The following CA13 variants were observed in gnomAD, a reference collection of about 807,000 sequenced individuals.
CA13 encodes the protein CA-XIII.
A neutral mutation model predicts 31.5 loss-of-function variants in CA13; 21 were observed. That is an observed-to-expected ratio of 0.67 (90% CI 0.47 to 0.96). The LOEUF (loss-of-function observed/expected upper bound fraction) is 0.96. Among genes scored for constraint, CA13 ranks in the 40% least tolerant of loss-of-function variants. The pLI is 0.00. For synonymous variants in CA13, 117 were observed against 111.4 expected (o/e 1.05, Z -0.32); for missense variants, 315 against 318.9 (o/e 0.99, Z 0.09).
rs767611285 is a variant in CA13, at chr8:85,281,345, A to G, written c.785A>G (p.His262Arg). Residue 262 changes from histidine (H) to arginine (R), a missense_variant, in exon 7 of 7, where the codon CAT (histidine) becomes CGT (arginine). His to Arg is a conservative substitution (Grantham distance 29, BLOSUM62 0). Transcript: ENST00000321764. ...LKGRKVRASF[H>R] Reference sequence around the variant, plus strand: ...GGCCGCAAAGTGAGAGCCTCTTTCCATTAAAAATTGTCACCAATGAACTCC... The same window carrying G: ...GGCCGCAAAGTGAGAGCCTCTTTCCGTTAAAAATTGTCACCAATGAACTCC... The G allele has an allele frequency of 4.2e-5, 67 of 1,613,676 alleles. No homozygotes were observed. Among genetic ancestry groups the G allele is most frequent in the South Asian group, 2.2e-4 (20 of 91,074 alleles).
At chr8:85,267,710 T>C (rs1445304588) in intron 4 of CA13, among the ~76,000 whole-genome samples, 192 bp from the exon 5 acceptor site, 1 of 152,226 alleles carries the variant, frequency 6.6e-6, no homozygotes, top group Admixed American at 6.5e-5. Context: ...TGTAATATTA[T>C]CTTGTTGTTC....
chr8:85,267,429 TATG>T, intron 4 of CA13: 1 of 388,900 alleles, frequency 2.6e-6, no homozygotes, highest in Non-Finnish European at 3.5e-6. Flanking sequence ...TGAGTTTGCT[TATG>T]ATGATATATT....
In CA13 at chr8:85,279,838, A is replaced by G. The variant is rs183425284; in HGVS notation, c.670-1392A>G. Among the ~76,000 whole-genome samples the G allele has an allele frequency of 2.7e-3, 405 of 152,250 alleles. 1 individual carries two copies. Among genetic ancestry groups the G allele is most frequent in the Non-Finnish European group, 4.6e-3 (312 of 68,014 alleles). ...TCTTTCCTATGGTCTCAGAGGTTAG[A>G]TTTTATTAGTCTCTGCTATTTGACT... On this transcript the variant is annotated intron_variant, in intron 6 of 6. Coordinates refer to ENST00000321764, the MANE Select transcript of CA13 (RefSeq NM_198584.3).
intron 2 of CA13, among the ~76,000 whole-genome samples, chr8:85,252,119 T>C (rs1807201485): frequency 6.6e-6 from 1 of 152,008 alleles, no homozygotes; most frequent in Non-Finnish European, 1.5e-5. Context: ...TAATCAGGCA[T>C]GGTGGGGTGT....
At chr8:85,255,208 C>G (rs1474000170) in intron 2 of CA13, among the ~76,000 whole-genome samples, 1 of 151,988 alleles carries the variant, frequency 6.6e-6, no homozygotes, top group East Asian at 1.9e-4. Flanking sequence ...CCCGGAACTC[C>G]TGGGCTCAAG....
rs1238849925 is a variant in CA13, at chr8:85,245,721, G to A, written c.-108G>A. 7 of 1,309,144 alleles carry A rather than the reference G, an allele frequency of 5.3e-6. No homozygotes were observed. Among genetic ancestry groups the A allele is most frequent in the Non-Finnish European group, 6.6e-6 (6 of 912,992 alleles). The allele number at this position is 1,309,144 out of a possible 1,614,324, so 81.1% of individuals were successfully genotyped here. ...TTCACGGTCTCGCACTCCTGCCGCC[G>A]GCGCCCCGCGGTCCCGCCCTAGCAG... is the stretch of plus-strand genomic sequence containing the variant. On this transcript the variant is annotated 5_prime_UTR_variant, in exon 1 of 7. Transcript: ENST00000321764.
intron 1 of CA13, among the ~76,000 whole-genome samples, chr8:85,247,296 C>G (rs1396491314): frequency 2.6e-5 from 4 of 151,952 alleles, no homozygotes; most frequent in Non-Finnish European, 4.4e-5. Flanking sequence ...ATCAATCAAT[C>G]AATGGATATT....
At chr8:85,277,861 TG>T in intron 6 of CA13, among the ~76,000 whole-genome samples, 1 of 152,182 alleles carries the variant, frequency 6.6e-6, no homozygotes, top group Admixed American at 6.5e-5. Flanking sequence ...AGAGGGTATG[TG>T]TCTCCCAGCC....
intron 2 of CA13, among the ~76,000 whole-genome samples, chr8:85,254,432 T>TTC (rs1325664348): frequency 3.3e-5 from 5 of 151,794 alleles, no homozygotes; most frequent in Admixed American, 6.6e-5. Context: ...GAACCCAGGT[T>TTC]TCTCTCTCTC....
chr8:85,248,321 G>T (rs1482440516), intron 1 of CA13, among the ~76,000 whole-genome samples: 1 of 152,110 alleles, frequency 6.6e-6, no homozygotes, highest in Non-Finnish European at 1.5e-5. Flanking sequence ...GCTGGGCGTG[G>T]TGGTGCGTGC....
rs938798220 is a variant in CA13 at position 85,259,422 on chromosome 8, T to G, written c.237T>G (p.Val79=). 6.2e-7 allele frequency: 1 copy of G among 1,613,160 alleles called. No individual in the cohort carries two copies. Among genetic ancestry groups the G allele is most frequent in the Non-Finnish European group, 8.5e-7 (1 of 1,179,242 alleles). ...AATATAAAACATGTTGTTGTTTAGT[T>G]CTGCGTGGTGGTCCTCTCACTGGAA... ...VDFDDTENKS[V]LRGGPLTGSY... is the part of the protein sequence containing the mutation. The change falls in exon 3 of 7, where the codon GTT becomes GTG. Residue 79 remains valine (V), a splice_region_variant and synonymous_variant. Coordinates refer to ENST00000321764, the MANE Select transcript of CA13 (RefSeq NM_198584.3).
At chr8:85,249,595 A>G (rs148933704) in intron 1 of CA13, among the ~76,000 whole-genome samples, 2,180 of 152,066 alleles carry the variant, frequency 0.014, 75 homozygotes, top group Non-Finnish European at 0.015. Flanking sequence ...TTATCATTTT[A>G]AAATGTTTTT....
At chr8:85,270,355 T>A (rs911562073) in intron 6 of CA13, among the ~76,000 whole-genome samples, 1 of 152,182 alleles carries the variant, frequency 6.6e-6, no homozygotes, top group Non-Finnish European at 1.5e-5. Context: ...CTGTTGGGTG[T>A]TTCTCCTTGT....
chr8:85,250,759 A>T lies in CA13; in HGVS notation c.57A>T (p.Glu19Asp), dbSNP rs1813811457. The T allele has an allele frequency of 1.2e-6, 2 of 1,612,594 alleles. No individual in the cohort carries two copies. The highest frequency in any genetic ancestry group is 1.7e-5 in the Admixed American group (1 of 59,980). Reference protein sequence around the residue: ...REHNGPIHWKEFFPIADGDQQ... With the variant: ...REHNGPIHWKDFFPIADGDQQ... ...TTTAAGGTCCTATTCACTGGAAGGAATTTTTCCCTATTGCTGATGGTGATC... is the reference window on the plus strand; with the variant it reads ...TTTAAGGTCCTATTCACTGGAAGGATTTTTTCCCTATTGCTGATGGTGATC... The change falls in exon 2 of 7, where the codon GAA becomes GAT. Residue 19 changes from glutamate to aspartate, a missense_variant. Glu to Asp is a conservative substitution (Grantham distance 45). Transcript: ENST00000321764.
intron 6 of CA13, among the ~76,000 whole-genome samples, chr8:85,279,140 A>T (rs948717250): frequency 6.6e-6 from 1 of 152,216 alleles, no homozygotes; most frequent in Non-Finnish European, 1.5e-5. Flanking sequence ...TTAAAATTTC[A>T]GTATTAGAGT....
chr8:85,251,001 C>CTT (rs34303043), intron 2 of CA13, 64 bp downstream of exon 2: 724 of 771,866 alleles, frequency 9.4e-4, no homozygotes, highest in East Asian at 2.1e-3. Flanking sequence ...AGACTATACT[C>CTT]TTTTTTTTTT....
intron 6 of CA13, among the ~76,000 whole-genome samples, chr8:85,276,993 A>T (rs1014682140): frequency 1.1e-4 from 16 of 152,170 alleles, no homozygotes; most frequent in Non-Finnish European, 1.9e-4. Flanking sequence ...GGACCTGGAG[A>T]ACCTTTGTGT....
At chr8:85,272,975 AC>A (rs1377631054) in intron 6 of CA13, among the ~76,000 whole-genome samples, 1 of 151,896 alleles carries the variant, frequency 6.6e-6, no homozygotes, top group Non-Finnish European at 1.5e-5. Flanking sequence ...TTGCCACCAC[AC>A]CCAGCTAATT....
At chr8:85,274,537 T>C (rs1227983324) in intron 6 of CA13, among the ~76,000 whole-genome samples, 1 of 152,228 alleles carries the variant, frequency 6.6e-6, no homozygotes, top group Non-Finnish European at 1.5e-5. Flanking sequence ...AGAACCGCTT[T>C]TCCGTTATCG....
Sources: gnomAD v4.1 joint callset for allele counts (sites outside exome capture counted in the v4.1 genomes callset) on GRCh38, gnomAD v4.1.1 for gene constraint, MANE v1.5 for transcripts, NCBI Gene and HGNC (gene_info 2026-07-23, HGNC 2026-07-21) for gene names.